Variants in GLYATL1B observed in about 807,000 individuals in gnomAD.
GLYATL1B encodes glycine-N-acyltransferase like 1B, also known as putative glycine N-acyltransferase-like protein 1B.
In GLYATL1B, 6 loss-of-function variants were observed where a neutral mutation model predicts 5.5. The ratio of observed to expected loss-of-function variants is 1.09; its 90% CI spans 0.60 to 2.15. The LOEUF (loss-of-function observed/expected upper bound fraction) is 2.15. Ranked by LOEUF, GLYATL1B falls within the 30% of genes most tolerant of loss-of-function variation. The pLI is 0.00. For synonymous variants in GLYATL1B, 67 were observed against 34.9 expected (o/e 1.92, Z -3.24); for missense variants, 135 against 94.1 (o/e 1.43, Z -1.80).
chr11:59,093,387 T>C (rs1859360956), intron 2 of GLYATL1B, 142 bp from the exon 3 acceptor site: 1 of 379,508 alleles, frequency 2.6e-6, no homozygotes, highest in East Asian at 3.8e-5. Context: ...GTCTCACTTA[T>C]ATTATCCACG....
chr11:59,089,640 C>T (rs1489682615), intron 2 of GLYATL1B, among the ~76,000 whole-genome samples: 1 of 152,060 alleles, frequency 6.6e-6, no homozygotes, highest in African/African-American at 2.4e-5. Context: ...TTTGGGTTTA[C>T]TTCTGAACTG....
chr11:59,091,862 T>G (rs1485236101), intron 2 of GLYATL1B, among the ~76,000 whole-genome samples: 3 of 152,192 alleles, frequency 2.0e-5, no homozygotes, highest in Non-Finnish European at 2.9e-5. Flanking sequence ...CATGTATTCC[T>G]ATGGAATACT....
chr11:59,093,309 G>C (rs1859359032), intron 2 of GLYATL1B, among the ~76,000 whole-genome samples: 1 of 152,212 alleles, frequency 6.6e-6, no homozygotes. Flanking sequence ...TTTATAACCA[G>C]TAACTGTCAG....
intron 2 of GLYATL1B, among the ~76,000 whole-genome samples, chr11:59,092,212 C>A (rs1446745451): frequency 1.3e-5 from 2 of 150,756 alleles, no homozygotes; most frequent in Admixed American, 6.6e-5. Flanking sequence ...AATGCCTTAC[C>A]AGAAGTTTAT....
intron 1 of GLYATL1B, among the ~76,000 whole-genome samples, chr11:59,086,814 A>T (rs1437221129): frequency 6.6e-6 from 1 of 152,182 alleles, no homozygotes; most frequent in Non-Finnish European, 1.5e-5. Context: ...ATAAGTGCTA[A>T]GTGCATTAAC....
intron 2 of GLYATL1B, among the ~76,000 whole-genome samples, chr11:59,088,995 C>T (rs918770342): frequency 1.9e-4 from 29 of 152,088 alleles, no homozygotes; most frequent in Non-Finnish European, 4.4e-5. Flanking sequence ...TGGAAAAATT[C>T]AACATGATTT....
At chr11:59,093,507 G>A in intron 2 of GLYATL1B, 22 bp from the exon 3 acceptor site, 3 of 476,872 alleles carry the variant, frequency 6.3e-6, no homozygotes, top group Non-Finnish European at 1.2e-5. Context: ...GGAATGATCT[G>A]ACCTTTCACC....
chr11:59,091,324 T>C (rs945595347), intron 2 of GLYATL1B, among the ~76,000 whole-genome samples: 8 of 152,212 alleles, frequency 5.3e-5, no homozygotes, highest in African/African-American at 1.9e-4. Flanking sequence ...TAATCTAATT[T>C]TGGCTACTTT....
intron 2 of GLYATL1B, among the ~76,000 whole-genome samples, chr11:59,092,221 A>C (rs1457338283): frequency 2.8e-5 from 4 of 142,576 alleles, no homozygotes; most frequent in East Asian, 2.1e-4. Context: ...CCAGAAGTTT[A>C]TCTCTCTCTC....
Position 59,094,484 on chromosome 11 carries a change from G to C in GLYATL1B, c.607G>C (p.Gly203Arg). The C allele has an allele frequency of 1.3e-6, 1 of 758,256 alleles. No homozygotes were observed. Among genetic ancestry groups the C allele is most frequent in the Middle Eastern group, 2.8e-4 (1 of 3,628 alleles). 47.0% of individuals were successfully genotyped at this position (758,256 alleles called of 1,614,324 possible). A position where few individuals can be genotyped will look rare whatever the true frequency, so the allele number is the denominator to read the frequency against. ...RSLRYIKRCL[G>R]ALPAACMLGP... is the part of the protein sequence containing the mutation. Reference sequence around the variant, plus strand: ...CCTGCGTTACATCAAGCGCTGCCTAGGAGCCCTGCCAGCAGCCTGTATGCT... The same window carrying C: ...CCTGCGTTACATCAAGCGCTGCCTACGAGCCCTGCCAGCAGCCTGTATGCT... The change falls in exon 5 of 5, where the codon GGA becomes CGA. Residue 203 changes from glycine (G) to arginine (R), a missense_variant. Gly to Arg is a moderately radical substitution (Grantham distance 125). Transcript: ENST00000527482.
At chr11:59,086,640 C>T (rs1427452166) in intron 1 of GLYATL1B, among the ~76,000 whole-genome samples, 1 of 151,984 alleles carries the variant, frequency 6.6e-6, no homozygotes, top group Non-Finnish European at 1.5e-5. Context: ...GGTTTGGGGC[C>T]AGATTCAATA....
intron 2 of GLYATL1B, among the ~76,000 whole-genome samples, chr11:59,092,987 A>T (rs1431433844): frequency 6.6e-6 from 1 of 152,238 alleles, no homozygotes; most frequent in African/African-American, 2.4e-5. Flanking sequence ...AATCATGGTT[A>T]AATTCATCTT....
In GLYATL1B at chr11:59,093,427, C is replaced by T. The variant is rs1590874671; in HGVS notation, c.187-102C>T. 11 of 421,052 alleles carry T rather than the reference C, an allele frequency of 2.6e-5. No individual in the cohort carries two copies. The East Asian group carries it at 3.5e-4, about 13-fold the overall frequency. 26.1% of individuals were successfully genotyped at this position (421,052 alleles called of 1,614,324 possible). ...CAACTGCAGCCATCGTGGGCTAGTG[C>T]TAAAACTTTCTTTTGAATTTTCATT... On this transcript the variant is annotated intron_variant, in intron 2 of 4. Coordinates refer to ENST00000527482, the MANE Select transcript of GLYATL1B (RefSeq NM_001355566.1).
chr11:59,088,024 G>T (rs951897947), intron 2 of GLYATL1B, among the ~76,000 whole-genome samples: 2 of 152,150 alleles, frequency 1.3e-5, no homozygotes. Flanking sequence ...TATTCAGTCA[G>T]GTAGCTGCTG....
At chr11:59,086,539 C>T (rs554098463) in intron 1 of GLYATL1B, among the ~76,000 whole-genome samples, 155 bp downstream of exon 1, 6 of 152,158 alleles carry the variant, frequency 3.9e-5, no homozygotes, top group African/African-American at 1.4e-4. Flanking sequence ...TTAAGAGCTG[C>T]TGCTTCTCCT....
At position 59,086,402 on chromosome 11, in the gene GLYATL1B, G is replaced by C; in HGVS notation, c.78+18G>C. Reference sequence around the variant, plus strand: ...CCCTGAAGGTGAAGGAACAGTGGGAGGTTGGGGTATGGGAGTAGGGGTGTT... The same window carrying C: ...CCCTGAAGGTGAAGGAACAGTGGGACGTTGGGGTATGGGAGTAGGGGTGTT... On this transcript the variant is annotated intron_variant, in intron 1 of 4. Coordinates refer to ENST00000527482, the MANE Select transcript of GLYATL1B (RefSeq NM_001355566.1). 1 of 398,690 alleles carries C rather than the reference G, an allele frequency of 2.5e-6. No individual in the cohort carries two copies. The allele number at this position is 398,690 out of a possible 1,614,324, so 24.7% of individuals were successfully genotyped here. A position where few individuals can be genotyped will look rare whatever the true frequency, so the allele number is the denominator to read the frequency against.
intron 1 of GLYATL1B, among the ~76,000 whole-genome samples, 154 bp downstream of exon 1, chr11:59,086,538 G>T: frequency 6.6e-6 from 1 of 152,038 alleles, no homozygotes; most frequent in Non-Finnish European, 1.5e-5. Context: ...GTTAAGAGCT[G>T]CTGCTTCTCC....
At chr11:59,087,773 A>G (rs1859220895) in intron 2 of GLYATL1B, among the ~76,000 whole-genome samples, 1 of 152,200 alleles carries the variant, frequency 6.6e-6, no homozygotes, top group East Asian at 1.9e-4. Flanking sequence ...CTTGAGCCCC[A>G]GAAGGTTGAG....
rs368234051 is a variant in GLYATL1B at position 59,094,067 on chromosome 11, T to G, written c.447T>G (p.Leu149=). 1,316 of 662,428 alleles carry G rather than the reference T, an allele frequency of 2.0e-3. 2 individuals are homozygous for G. The highest frequency in any genetic ancestry group is 3.0e-3 in the Non-Finnish European group (1,085 of 366,132). 41.0% of individuals were successfully genotyped at this position (662,428 alleles called of 1,614,324 possible). A position where few individuals can be genotyped will look rare whatever the true frequency, so the allele number is the denominator to read the frequency against. ...TCTATGCCACCAATAAAAGCAAGCT[T>G]GGAAGCTGGGCTGAGACAGGCCACC... ...LKLYATNKSK[L]GSWAETGHPD... The change falls in exon 4 of 5, where the codon CTT becomes CTG. Residue 149 remains leucine (L), a synonymous_variant. Transcript: ENST00000527482.
Sources: gnomAD v4.1 joint callset for allele counts (sites outside exome capture counted in the v4.1 genomes callset) on GRCh38, gnomAD v4.1.1 for gene constraint, MANE v1.5 for transcripts, NCBI Gene and HGNC (gene_info 2026-07-23, HGNC 2026-07-21) for gene names.